The following FLT4 variants were observed in gnomAD, a reference collection of about 807,000 sequenced individuals.
FLT4 encodes fms related receptor tyrosine kinase 4, also known as vascular endothelial growth factor receptor 3.
A neutral mutation model predicts 163.2 loss-of-function variants in FLT4; 30 were observed. The observed-to-expected ratio is 0.18, with a 90% confidence interval of 0.14 to 0.25. FLT4 has a LOEUF of 0.25. Ranked by LOEUF, FLT4 falls within the 10% of genes least tolerant of loss-of-function variation. The pLI is 1.00. For synonymous variants in FLT4, 884 were observed against 789.5 expected (o/e 1.12, Z -2.01); for missense variants, 1,510 against 1,863.8 (o/e 0.81, Z 3.50).
Position 180,636,148 on chromosome 5 carries a change from C to T in FLT4, c.59-4370G>A, listed in dbSNP as rs1018644159. 2.0e-4 allele frequency among the ~76,000 whole-genome samples: 30 copies of T among 152,018 alleles called. No homozygotes were observed. The highest frequency in any genetic ancestry group is 1.0e-3 in the South Asian group (5 of 4,830). ...ATCACTGCTGAGCAGGACCATCCAT[C>T]GCGCTTGCCAACCCTTTTGCCCATC... On this transcript the variant is annotated intron_variant, in intron 1 of 29. Coordinates refer to ENST00000261937, the MANE Select transcript of FLT4 (RefSeq NM_182925.5). The surrounding 1 kb of genome is among the most constrained non-coding windows in gnomAD (Gnocchi z 4.3).
At position 180,620,773 on chromosome 5, in the gene FLT4, C is replaced by A. The variant is rs1763074460; in HGVS notation, c.2300-58G>T. 1.3e-6 allele frequency: 2 copies of A among 1,594,538 alleles called. No individual in the cohort carries two copies. Among genetic ancestry groups the A allele is most frequent in the African/African-American group, 1.3e-5 (1 of 74,558 alleles). On this transcript the variant is annotated intron_variant, in intron 15 of 29. Transcript: ENST00000261937. This position sits in a 1 kb window ranked among gnomAD's most constrained non-coding sequence, Gnocchi z 4.4. ...GTGTGTGTGTAAGAGCGTGCACCTG[C>A]AGGCAGCACCCCTTCTGGTGGCCAC...
chr5:180,608,322 T>TG, intron 29 of FLT4: 1 of 700,852 alleles, frequency 1.4e-6, no homozygotes, highest in Non-Finnish European at 2.6e-6. Context: ...TCATGTGACT[T>TG]GCTTCACCTT....
rs1008380623 is a variant in FLT4 at position 180,601,722 on chromosome 5, C to T, written c.*1470G>A. The T allele has an allele frequency of 9.0e-5, 21 of 233,118 alleles. No homozygotes were observed. Among genetic ancestry groups the T allele is most frequent in the African/African-American group, 4.6e-4 (21 of 45,288 alleles). The allele number at this position is 233,118 out of a possible 1,614,324, so 14.4% of individuals were successfully genotyped here. A position where few individuals can be genotyped will look rare whatever the true frequency, so the allele number is the denominator to read the frequency against. The stretch of plus-strand genomic sequence containing the variant: ...CAGATCCTCCCAGGGAAGCCTGACA[C>T]GCCAGTCCCACGTTGGACGACGTGC... On this transcript the variant is annotated 3_prime_UTR_variant, in exon 30 of 30. Coordinates refer to ENST00000261937, the MANE Select transcript of FLT4 (RefSeq NM_182925.5).
rs767693878 is a variant in FLT4, at chr5:180,622,798, G to A, written c.1590C>T (p.Ala530=). 2 of 1,613,492 alleles carry A rather than the reference G, an allele frequency of 1.2e-6. No individual in the cohort carries two copies. Among genetic ancestry groups the A allele is most frequent in the Non-Finnish European group, 1.7e-6 (2 of 1,179,884 alleles). ...KLVIQNANVS[A]MYKCVVSNKV... The stretch of plus-strand genomic sequence containing the variant: ...TGTTGGAGACCACACACTTGTACAT[G>A]GCAGACACGTTGGCATTCTGGATCA... Residue 530 remains alanine, a synonymous_variant, in exon 12 of 30, where the codon GCC becomes GCT. Coordinates refer to ENST00000261937, the MANE Select transcript of FLT4 (RefSeq NM_182925.5).
chr5:180,618,515 C>T (rs1398316950), intron 21 of FLT4, among the ~76,000 whole-genome samples: 9 of 152,222 alleles, frequency 5.9e-5, no homozygotes, highest in African/African-American at 2.2e-4. Flanking sequence ...TCTGTGGGGG[C>T]CGGGCACCTG....
chr5:180,637,791 A>G (rs775310471), intron 1 of FLT4, among the ~76,000 whole-genome samples: 1 of 152,124 alleles, frequency 6.6e-6, no homozygotes, highest in Non-Finnish European at 1.5e-5. Flanking sequence ...CGGCCTCTCA[A>G]AGTGCTGGGA....
chr5:180,631,871 A>T, intron 1 of FLT4, 93 bp from the exon 2 acceptor site: 1 of 885,058 alleles, frequency 1.1e-6, no homozygotes, highest in African/African-American at 1.6e-5. Context: ...GCAAGCGCAG[A>T]CCCCTGCAGG....
At position 180,602,524 on chromosome 5, in the gene FLT4, T is replaced by C; in HGVS notation, c.*668A>G. ...GTTCTGTTGAAAAAGACTTGCAGGA[T>C]GGCTCTCAACACCCAGGCGCAGGTG... On this transcript the variant is annotated 3_prime_UTR_variant, in exon 30 of 30. Coordinates refer to ENST00000261937, the MANE Select transcript of FLT4 (RefSeq NM_182925.5). 2.5e-6 allele frequency: 1 copy of C among 399,242 alleles called. No homozygotes were observed. Among genetic ancestry groups the C allele is most frequent in the Non-Finnish European group, 4.4e-6 (1 of 226,732 alleles). 24.7% of individuals were successfully genotyped at this position (399,242 alleles called of 1,614,324 possible). A position where few individuals can be genotyped will look rare whatever the true frequency, so the allele number is the denominator to read the frequency against.
At chr5:180,603,439 C>T (rs374710949) in intron 29 of FLT4, 49 bp from the exon 30 acceptor site, 22 of 1,562,624 alleles carry the variant, frequency 1.4e-5, no homozygotes, top group African/African-American at 1.1e-4. Flanking sequence ...GGCTGGGTGG[C>T]GGGTGGTGCA....
At chr5:180,632,245 GCCCCC>G (rs1764236191) in intron 1 of FLT4, among the ~76,000 whole-genome samples, 6 of 151,764 alleles carry the variant, frequency 4.0e-5, no homozygotes, top group Admixed American at 6.6e-5. Flanking sequence ...CGCAGGCCTC[GCCCCC>G]TCCTGCCTGC....
chr5:180,648,448 G>T (rs890642797), intron 1 of FLT4, among the ~76,000 whole-genome samples: 7 of 152,162 alleles, frequency 4.6e-5, no homozygotes, highest in Admixed American at 4.6e-4. Flanking sequence ...CTCCCTGTGA[G>T]AATTACAAGC....
rs2127834098 is a variant in FLT4 at position 180,629,247 on chromosome 5, C to T, written c.985+12G>A. 6.2e-7 allele frequency: 1 copy of T among 1,612,722 alleles called. No homozygotes were observed. Among genetic ancestry groups the T allele is most frequent in the Non-Finnish European group, 8.5e-7 (1 of 1,179,920 alleles). ...CCACAGGGCACAAGGACCCTGGTTTCCCAGGCCATACCATGCACAATGACC... is the reference window on the plus strand; with the variant it reads ...CCACAGGGCACAAGGACCCTGGTTTTCCAGGCCATACCATGCACAATGACC... On this transcript the variant is annotated intron_variant, in intron 7 of 29. Transcript: ENST00000261937.
At chr5:180,609,548 C>T (rs1452757211) in intron 28 of FLT4, 3 of 371,932 alleles carry the variant, frequency 8.1e-6, no homozygotes, top group African/African-American at 2.1e-5. Context: ...AGGCAGGAAC[C>T]CAGGTCCCTG....
intron 29 of FLT4, among the ~76,000 whole-genome samples, chr5:180,607,397 G>A (rs1761859299): frequency 6.6e-6 from 1 of 152,074 alleles, no homozygotes; most frequent in African/African-American, 2.4e-5. Flanking sequence ...AGCACTTTGG[G>A]AGGCCGAGGG....
rs367843813 is a variant in FLT4 at position 180,612,927 on chromosome 5, C to T, written c.3431+84G>A. On this transcript the variant is annotated intron_variant, in intron 25 of 29. Transcript: ENST00000261937. ...GCCTGTCCTACTGGCCCTGGCTTCC[C>T]TGATGCCACCTTCTCATGGACACAA... is the stretch of plus-strand genomic sequence containing the variant. 450 of 1,079,310 alleles carry T rather than the reference C, an allele frequency of 4.2e-4. 2 individuals are homozygous for T. The Middle Eastern group carries it at 0.011, about 25-fold the overall frequency. 66.9% of individuals were successfully genotyped at this position (1,079,310 alleles called of 1,614,324 possible).
chr5:180,634,617 G>C (rs1431621362), intron 1 of FLT4, among the ~76,000 whole-genome samples: 2 of 143,998 alleles, frequency 1.4e-5, no homozygotes, highest in Non-Finnish European at 3.0e-5. Context: ...ATGGCGTGAA[G>C]CCGGGAGGCG....
intron 1 of FLT4, among the ~76,000 whole-genome samples, chr5:180,645,735 C>A (rs984253029): frequency 6.6e-6 from 1 of 152,208 alleles, no homozygotes; most frequent in African/African-American, 2.4e-5. Flanking sequence ...TGAATGCCCG[C>A]ATCTTCCTGC....
At chr5:180,616,757 G>A (rs1235073038) in intron 22 of FLT4, 143 bp downstream of exon 22, 6 of 849,786 alleles carry the variant, frequency 7.1e-6, no homozygotes, top group East Asian at 2.4e-5. Flanking sequence ...CCATGCTTTG[G>A]GCAGAGTTTC....
At chr5:180,645,474 G>C (rs1196699938) in intron 1 of FLT4, among the ~76,000 whole-genome samples, 1 of 152,214 alleles carries the variant, frequency 6.6e-6, no homozygotes, top group Non-Finnish European at 1.5e-5. Flanking sequence ...TGCTAAATCG[G>C]GGCCACCAGC....
Sources: gnomAD v4.1 joint callset for allele counts (sites outside exome capture counted in the v4.1 genomes callset) on GRCh38, gnomAD v4.1.1 for gene constraint, Gnocchi (gnomAD v3.1) non-coding constraint, MANE v1.5 for transcripts, NCBI Gene and HGNC (gene_info 2026-07-23, HGNC 2026-07-21) for gene names.